SON: variants seen among roughly 807,000 people sequenced by gnomAD.
SON encodes protein SON.
Under a neutral mutation model 173.3 loss-of-function variants are expected in SON, and 4 were observed. The observed-to-expected ratio is 0.02, with a 90% CI of 0.01 to 0.05. The LOEUF is 0.05. Among genes scored for constraint, SON ranks in the 10% least tolerant of loss-of-function variants. The pLI, the probability that SON is intolerant of heterozygous loss-of-function variation, is 1.00. For synonymous variants in SON, 1,190 were observed against 1,105.9 expected (o/e 1.08, Z -1.51); for missense variants, 2,626 against 3,055.3 (o/e 0.86, Z 3.31).
intron 2 of SON, among the ~76,000 whole-genome samples, chr21:33,548,836 A>G (rs2085685346): frequency 6.6e-6 from 1 of 152,252 alleles, no homozygotes; most frequent in Non-Finnish European, 1.5e-5. Flanking sequence ...ATTCAGTGAC[A>G]AAAGTAGTTT....
chr21:33,572,499 T>G (rs777338564), intron 8 of SON: 9 of 1,121,304 alleles, frequency 8.0e-6, no homozygotes, highest in Non-Finnish European at 1.2e-6. Context: ...GAGATGACTG[T>G]TCACAGAATA....
chr21:33,575,710 T>G (rs369797607), intron 10 of SON, 43 bp downstream of exon 10: 2 of 1,577,396 alleles, frequency 1.3e-6, no homozygotes, highest in African/African-American at 2.7e-5. Flanking sequence ...TAATCCCACC[T>G]TGAATTCATT....
intron 9 of SON, 138 bp downstream of exon 9, chr21:33,573,593 C>CAAAAGGGGTTAATG: frequency 2.9e-6 from 2 of 681,744 alleles, no homozygotes; most frequent in Non-Finnish European, 4.6e-6. Flanking sequence ...ACATTAACCC[C>CAAAAGGGGTTAATG]TTTTGGGGTT....
Position 33,553,195 on chromosome 21 carries a change from G to T in SON, c.3964G>T (p.Ala1322Ser). ...FDSMRASGHV[A>S]SEVSTSLLVP... ...TTCCATGAGAGCCTCAGGACATGTTGCCTCAGAAGTATCTACATCCTTGTT... is the reference window on the plus strand; with the variant it reads ...TTCCATGAGAGCCTCAGGACATGTTTCCTCAGAAGTATCTACATCCTTGTT... Residue 1322 changes from alanine to serine, a missense_variant, in exon 3 of 12, where the codon GCC becomes TCC. This residue lies in a region of SON where 1,006 missense variants were observed against 895.6 expected (regional missense o/e 1.12). Coordinates refer to ENST00000356577, the MANE Select transcript of SON (RefSeq NM_138927.4). The T allele has an allele frequency of 6.2e-7, 1 of 1,614,160 alleles. No homozygotes were observed. Among genetic ancestry groups the T allele is most frequent in the Non-Finnish European group, 8.5e-7 (1 of 1,180,030 alleles).
rs774484269 is a variant in SON at position 33,550,827 on chromosome 21, G to A, written c.1596G>A (p.Thr532=). The A allele has an allele frequency of 7.4e-6, 12 of 1,613,824 alleles. No individual in the cohort carries two copies. Among genetic ancestry groups the A allele is most frequent in the South Asian group, 3.3e-5 (3 of 91,076 alleles). The stretch of plus-strand genomic sequence containing the variant: ...ATCCTGGGCATCCTGAGGTGACAAC[G>A]GCAACAGGGTTGCTGGGGCAGCCTG... ...VEHPGHPEVT[T]ATGLLGQPEA... is the part of the protein sequence containing the mutation. Residue 532 remains threonine (T), a synonymous_variant, in exon 3 of 12, where the codon ACG becomes ACA. Transcript: ENST00000356577.
At chr21:33,570,595 T>A (rs974374531) in intron 8 of SON, among the ~76,000 whole-genome samples, 12 of 152,194 alleles carry the variant, frequency 7.9e-5, no homozygotes, top group Non-Finnish European at 4.4e-5. Flanking sequence ...AATCTTGGAC[T>A]TCTATATTAT....
rs752748631 is a variant in SON, at chr21:33,553,464, T to C, written c.4233T>C (p.Ser1411=). The C allele has an allele frequency of 6.2e-6, 10 of 1,614,118 alleles. No homozygotes were observed. The highest frequency in any genetic ancestry group is 8.5e-6 in the Non-Finnish European group (10 of 1,180,040). ...DYVTIPVPVV[S]ALEPSVPVLE... is the part of the protein sequence containing the mutation. Reference sequence around the variant, plus strand: ...TTACCATTCCTGTGCCAGTTGTTTCTGCGCTGGAGCCTTCTGTGCCTGTTC... The same window carrying C: ...TTACCATTCCTGTGCCAGTTGTTTCCGCGCTGGAGCCTTCTGTGCCTGTTC... The change falls in exon 3 of 12, where the codon TCT becomes TCC. Residue 1411 remains serine, a synonymous_variant. Transcript: ENST00000356577.
chr21:33,561,172 TC>T (rs1365472622), intron 6 of SON, among the ~76,000 whole-genome samples: 1 of 152,194 alleles, frequency 6.6e-6, no homozygotes, highest in South Asian at 2.1e-4. Flanking sequence ...CCCATGGGAT[TC>T]AACAAGTGAA....
chr21:33,553,980 T>C lies in SON; in HGVS notation c.4749T>C (p.Gly1583=). 6.2e-7 allele frequency: 1 copy of C among 1,614,124 alleles called. No homozygotes were observed. Among genetic ancestry groups the C allele is most frequent in the Non-Finnish European group, 8.5e-7 (1 of 1,180,000 alleles). ...KQRTVLDTYP[G]VSEADAGETL... is the part of the protein sequence containing the mutation. ...GCACAGTATTGGATACCTACCCTGG[T>C]GTTAGTGAAGCTGATGCAGGAGAAA... The change falls in exon 3 of 12, where the codon GGT becomes GGC. Residue 1583 remains glycine (G), a synonymous_variant. Coordinates refer to ENST00000356577, the MANE Select transcript of SON (RefSeq NM_138927.4).
At chr21:33,556,587 G>A (rs1002549792) in intron 3 of SON, among the ~76,000 whole-genome samples, 1 of 151,892 alleles carries the variant, frequency 6.6e-6, no homozygotes, top group Admixed American at 6.6e-5. Flanking sequence ...GGTGGCACGC[G>A]CCTGTAGTCC....
chr21:33,550,734 G>C lies in SON; in HGVS notation c.1503G>C (p.Met501Ile). The change falls in exon 3 of 12, where the codon ATG (methionine) becomes ATC (isoleucine). Residue 501 changes from methionine to isoleucine, a missense_variant. By Grantham distance (10) the Met-to-Ile change is conservative (BLOSUM62 1). Coordinates refer to ENST00000356577, the MANE Select transcript of SON (RefSeq NM_138927.4). ...AGCAGCCTGCGGTAACAGTAGCAATGGAGTTGACCGAACAACCTGTGACGA... is the reference window on the plus strand; with the variant it reads ...AGCAGCCTGCGGTAACAGTAGCAATCGAGTTGACCGAACAACCTGTGACGA... The part of the protein sequence containing the change: ...LPEQPAVTVA[M>I]ELTEQPVTTT... 1 of 1,614,122 alleles carries C rather than the reference G, an allele frequency of 6.2e-7. No homozygotes were observed. The highest frequency in any genetic ancestry group is 8.5e-7 in the Non-Finnish European group (1 of 1,180,016).
At chr21:33,565,962 A>T (rs1294090741) in intron 6 of SON, among the ~76,000 whole-genome samples, 1 of 152,192 alleles carries the variant, frequency 6.6e-6, no homozygotes. Context: ...CTTATGCATG[A>T]GTTATAATTA....
At chr21:33,544,257 G>A (rs867861072) in intron 1 of SON, among the ~76,000 whole-genome samples, 2 of 152,192 alleles carry the variant, frequency 1.3e-5, no homozygotes, top group African/African-American at 2.4e-5. Context: ...TTTGCAGAAT[G>A]TGTTGTTTTT....
chr21:33,568,215 G>A (rs1323084765), intron 7 of SON, among the ~76,000 whole-genome samples: 3 of 152,166 alleles, frequency 2.0e-5, no homozygotes, highest in Admixed American at 6.5e-5. Flanking sequence ...TTTTACGGCC[G>A]GGTGCAGTGG....
intron 9 of SON, 102 bp downstream of exon 9, chr21:33,573,557 A>G (rs1601299654): frequency 1.6e-5 from 16 of 1,007,466 alleles, no homozygotes; most frequent in East Asian, 4.9e-5. Flanking sequence ...CACTTCTTGT[A>G]TATATACAGG....
At chr21:33,563,563 G>A (rs918321567) in intron 6 of SON, among the ~76,000 whole-genome samples, 2 of 152,054 alleles carry the variant, frequency 1.3e-5, no homozygotes, top group Non-Finnish European at 2.9e-5. Flanking sequence ...CTGGTTATAG[G>A]TATTTTCCTT....
rs1569056818 is a variant in SON at position 33,553,448 on chromosome 21, C to G, written c.4217C>G (p.Pro1406Arg). The change falls in exon 3 of 12, where the codon CCT becomes CGT. Residue 1406 changes from proline to arginine, a missense_variant. Physicochemically the swap from Pro to Arg is moderately radical, Grantham distance 103. Around this residue, in one of 13 missense-constraint regions of SON, gnomAD observed 1,006 missense variants for 895.6 expected, o/e 1.12. Transcript: ENST00000356577. Reference sequence around the variant, plus strand: ...GCTGAGCCAGACTATGTTACCATTCCTGTGCCAGTTGTTTCTGCGCTGGAG... The same window carrying G: ...GCTGAGCCAGACTATGTTACCATTCGTGTGCCAGTTGTTTCTGCGCTGGAG... ...VVAEPDYVTI[P>R]VPVVSALEPS... The G allele has an allele frequency of 6.2e-7, 1 of 1,614,182 alleles. No homozygotes were observed. The highest frequency in any genetic ancestry group is 8.5e-7 in the Non-Finnish European group (1 of 1,180,030).
chr21:33,556,948 C>T (rs947734359), intron 3 of SON, among the ~76,000 whole-genome samples: 1 of 151,176 alleles, frequency 6.6e-6, no homozygotes, highest in Non-Finnish European at 1.5e-5. Flanking sequence ...TGCTGAAAAA[C>T]TTTGAGCCAG....
At chr21:33,560,294 A>G in intron 6 of SON, 2 of 1,403,928 alleles carry the variant, frequency 1.4e-6, no homozygotes, top group Non-Finnish European at 1.9e-6. Context: ...TGTTTGTCAG[A>G]TAGCCTTTAA....
Sources: allele counts gnomAD v4.1 joint callset (sites outside exome capture counted in the v4.1 genomes callset), GRCh38; gene constraint gnomAD v4.1.1; regional missense constraint gnomAD v4.1.1; transcripts MANE v1.5; gene names NCBI Gene and HGNC (gene_info 2026-07-23, HGNC 2026-07-21).